The following SLC25A13 variants were observed in gnomAD, a reference collection of about 807,000 sequenced individuals.
SLC25A13 encodes electrogenic aspartate/glutamate antiporter SLC25A13, mitochondrial.
In SLC25A13, 70 loss-of-function variants were observed where a neutral mutation model predicts 85.5. That is an observed-to-expected ratio of 0.82 (90% CI 0.68 to 1.00). SLC25A13 has a LOEUF of 1.00. Ranked by LOEUF, SLC25A13 falls within the 50% of genes least tolerant of loss-of-function variation. The pLI is 0.00. For synonymous variants in SLC25A13, 259 were observed against 288.7 expected (o/e 0.90, Z 1.04); for missense variants, 765 against 819.8 (o/e 0.93, Z 0.82).
At chr7:96,134,593 TGAA>T (rs1792183747) in intron 14 of SLC25A13, among the ~76,000 whole-genome samples, 1 of 151,818 alleles carries the variant, frequency 6.6e-6, no homozygotes, top group Admixed American at 6.6e-5. Context: ...TTGGGTCTTC[TGAA>T]GAAGGACCCA....
intron 3 of SLC25A13, among the ~76,000 whole-genome samples, chr7:96,246,803 G>C (rs1797209213): frequency 6.6e-6 from 1 of 151,858 alleles, no homozygotes; most frequent in Non-Finnish European, 1.5e-5. Flanking sequence ...TCATGGTGTG[G>C]GCAAGAAGAA....
At chr7:96,189,488 C>T in intron 8 of SLC25A13, 93 bp downstream of exon 8, 4 of 1,519,832 alleles carry the variant, frequency 2.6e-6, no homozygotes, top group Non-Finnish European at 3.6e-6. Flanking sequence ...GTATAGCCTT[C>T]AGTTTGGCTT....
rs545666458 is a variant in SLC25A13 at position 96,318,256 on chromosome 7, A to G, written c.15+3686T>C. 2.6e-5 allele frequency among the ~76,000 whole-genome samples: 4 copies of G among 152,346 alleles called. No homozygotes were observed. The East Asian group carries it at 7.7e-4, about 29-fold the overall frequency. On this transcript the variant is annotated intron_variant, in intron 1 of 17. Transcript: ENST00000265631. Reference sequence around the variant, plus strand: ...ATTCTAACTTTTAGTAGGTTCATATAGGTTAATTACATCATTCGTAACGCA... The same window carrying G: ...ATTCTAACTTTTAGTAGGTTCATATGGGTTAATTACATCATTCGTAACGCA...
chr7:96,255,097 AG>A (rs1797581838), intron 3 of SLC25A13, among the ~76,000 whole-genome samples: 1 of 152,236 alleles, frequency 6.6e-6, no homozygotes, highest in Non-Finnish European at 1.5e-5. Flanking sequence ...TTTAGAATAC[AG>A]TATTTTAACT....
intron 5 of SLC25A13, among the ~76,000 whole-genome samples, chr7:96,201,756 G>A (rs1417728778): frequency 6.6e-6 from 1 of 152,192 alleles, no homozygotes; most frequent in Non-Finnish European, 1.5e-5. Flanking sequence ...GGGTTGCCAT[G>A]GATGAAGGTA....
rs1292263342 is a variant in SLC25A13, at chr7:96,226,995, T to G, written c.328+7807A>C. Among the ~76,000 whole-genome samples the G allele has an allele frequency of 2.6e-5, 4 of 152,226 alleles. No homozygotes were observed. The East Asian group carries it at 7.7e-4, about 29-fold the overall frequency. On this transcript the variant is annotated intron_variant, in intron 4 of 17. Coordinates refer to ENST00000265631, the MANE Select transcript of SLC25A13 (RefSeq NM_014251.3). ...TTCCAACTCACATAATTCTGAAGTT[T>G]CTTTAAATGTATTATATTCAATATG...
At chr7:96,245,261 C>T (rs1797145081) in intron 3 of SLC25A13, among the ~76,000 whole-genome samples, 1 of 152,134 alleles carries the variant, frequency 6.6e-6, no homozygotes. Context: ...TCTTCCTATA[C>T]CCCATTTATT....
At chr7:96,137,365 T>G (rs1792331324) in intron 14 of SLC25A13, among the ~76,000 whole-genome samples, 1 of 152,248 alleles carries the variant, frequency 6.6e-6, no homozygotes, top group African/African-American at 2.4e-5. Context: ...TCCAGGGACT[T>G]TAGGGATATG....
chr7:96,200,886 T>A (rs1207166611), intron 5 of SLC25A13, among the ~76,000 whole-genome samples: 1 of 152,148 alleles, frequency 6.6e-6, no homozygotes, highest in Non-Finnish European at 1.5e-5. Context: ...TGAATCCTGA[T>A]TTTCTTTGCC....
At chr7:96,242,809 T>C (rs552329666) in intron 3 of SLC25A13, among the ~76,000 whole-genome samples, 2 of 152,334 alleles carry the variant, frequency 1.3e-5, no homozygotes, top group South Asian at 4.1e-4. Flanking sequence ...TTCTTAAATG[T>C]AATTGATTGA....
chr7:96,142,748 T>C lies in SLC25A13; in HGVS notation c.1452+3808A>G, dbSNP rs116124453. Among the ~76,000 whole-genome samples the C allele has an allele frequency of 8.0e-3, 1,222 of 152,306 alleles. 20 individuals are homozygous for C. Among genetic ancestry groups the C allele is most frequent in the African/African-American group, 0.028 (1,165 of 41,564 alleles). On this transcript the variant is annotated intron_variant, in intron 14 of 17. Transcript: ENST00000265631. ...CACCTTTCTAAATTACTTGATTTTT[T>C]TGAAATATAAATTATATTTTACTTT...
chr7:96,170,894 G>T (rs1278126321), intron 12 of SLC25A13, among the ~76,000 whole-genome samples: 2 of 152,198 alleles, frequency 1.3e-5, no homozygotes, highest in Non-Finnish European at 2.9e-5. Context: ...TCTGTCAAAT[G>T]TGAGCCAAGC....
chr7:96,229,851 G>C (rs1311148850), intron 4 of SLC25A13, among the ~76,000 whole-genome samples: 1 of 152,128 alleles, frequency 6.6e-6, no homozygotes, highest in Admixed American at 6.5e-5. Context: ...TTTAAGAACT[G>C]TAACACTCAC....
intron 1 of SLC25A13, among the ~76,000 whole-genome samples, chr7:96,305,609 G>A (rs796356347): frequency 2.6e-4 from 39 of 152,266 alleles, no homozygotes; most frequent in African/African-American, 9.1e-4. Context: ...TCTGAAGACT[G>A]GGGCTATGTT....
At chr7:96,288,604 G>A (rs937436324) in intron 2 of SLC25A13, among the ~76,000 whole-genome samples, 3 of 152,170 alleles carry the variant, frequency 2.0e-5, no homozygotes, top group East Asian at 1.9e-4. Flanking sequence ...CTTAGCAAAC[G>A]GCACACCAGG....
At chr7:96,163,591 A>C (rs1793608258) in intron 13 of SLC25A13, among the ~76,000 whole-genome samples, 1 of 152,232 alleles carries the variant, frequency 6.6e-6, no homozygotes, top group Non-Finnish European at 1.5e-5. Flanking sequence ...TCTCCTCCTC[A>C]ATGATGGAGA....
At chr7:96,160,500 T>C (rs142370839) in intron 13 of SLC25A13, among the ~76,000 whole-genome samples, 121 of 152,324 alleles carry the variant, frequency 7.9e-4, no homozygotes, top group African/African-American at 2.7e-3. Context: ...GAGATCACAG[T>C]GCCGGCACAG....
intron 2 of SLC25A13, among the ~76,000 whole-genome samples, chr7:96,278,703 G>A (rs1173714838): frequency 6.6e-6 from 1 of 152,152 alleles, no homozygotes; most frequent in Non-Finnish European, 1.5e-5. Flanking sequence ...ATGTTCTATA[G>A]TATTGTCTTA....
intron 5 of SLC25A13, among the ~76,000 whole-genome samples, chr7:96,208,588 C>T (rs1467023140): frequency 1.3e-5 from 2 of 151,572 alleles, no homozygotes; most frequent in Non-Finnish European, 2.9e-5. Flanking sequence ...TCACTGCAAG[C>T]TCCACCTCCC....
Sources: gnomAD v4.1 joint callset for allele counts (sites outside exome capture counted in the v4.1 genomes callset) on GRCh38, gnomAD v4.1.1 for gene constraint, MANE v1.5 for transcripts, NCBI Gene and HGNC (gene_info 2026-07-23, HGNC 2026-07-21) for gene names.